The following DDR1 variants were observed in gnomAD, a reference collection of about 807,000 sequenced individuals.
DDR1 encodes epithelial discoidin domain-containing receptor 1.
DDR1 carries 64 observed loss-of-function variants against 97.4 expected under a neutral mutation model. The observed-to-expected ratio is 0.66, with a 90% confidence interval of 0.54 to 0.81. DDR1 has a LOEUF of 0.81. Ranked by LOEUF, DDR1 falls within the 30% of genes least tolerant of loss-of-function variation. The pLI, the probability that DDR1 is intolerant of heterozygous loss-of-function variation, is 0.00. For synonymous variants in DDR1, 458 were observed against 503.7 expected (o/e 0.91, Z 1.21); for missense variants, 990 against 1,259.6 (o/e 0.79, Z 3.24).
Position 30,889,022 on chromosome 6 carries a change from A to G in DDR1, c.188+12A>G, listed in dbSNP as rs1472523723. 1.2e-6 allele frequency: 2 copies of G among 1,612,404 alleles called. No individual in the cohort carries two copies. The highest frequency in any genetic ancestry group is 1.7e-6 in the Non-Finnish European group (2 of 1,179,664). ...GCCCGCCACAGCAGGTACTTGGCAC[A>G]CCTGGCACACTTGTAGCTGCCCCGA... On this transcript the variant is annotated intron_variant, in intron 3 of 17. Coordinates refer to ENST00000376568, the MANE Select transcript of DDR1 (RefSeq NM_001297654.2). This position sits in a 1 kb window ranked among gnomAD's most constrained non-coding sequence, Gnocchi z 4.9.
chr6:30,892,782 C>G (rs1789030845), intron 8 of DDR1: 1 of 593,908 alleles, frequency 1.7e-6, no homozygotes, highest in Non-Finnish European at 2.9e-6. Flanking sequence ...TATGACAGTA[C>G]TGGTTGTTAA....
chr6:30,892,039 G>A lies in DDR1; in HGVS notation c.703G>A (p.Val235Met). Residue 235 changes from valine (V) to methionine (M), a missense_variant, in exon 7 of 18, where the codon GTG becomes ATG. Val to Met is a conservative substitution (Grantham distance 21). Transcript: ENST00000376568. ...GGGTCTGGGCCAGCTGGCAGATGGTGTGGTGGGGCTGGATGACTTTAGGAA... is the reference window on the plus strand; with the variant it reads ...GGGTCTGGGCCAGCTGGCAGATGGTATGGTGGGGCTGGATGACTTTAGGAA... ...YGGLGQLADG[V>M]VGLDDFRKSQ... is the part of the protein sequence containing the mutation. 2 of 1,614,126 alleles carry A rather than the reference G, an allele frequency of 1.2e-6. No individual in the cohort carries two copies. Among genetic ancestry groups the A allele is most frequent in the Non-Finnish European group, 1.7e-6 (2 of 1,179,988 alleles).
chr6:30,900,055 G>C lies in DDR1; in HGVS notation c.*759G>C, dbSNP rs1331773855. 6 of 596,560 alleles carry C rather than the reference G, an allele frequency of 1.0e-5. No individual in the cohort carries two copies. The highest frequency in any genetic ancestry group is 7.4e-5 in the Admixed American group (4 of 53,978). The allele number at this position is 596,560 out of a possible 1,614,324, so 37.0% of individuals were successfully genotyped here. A position where few individuals can be genotyped will look rare whatever the true frequency, so the allele number is the denominator to read the frequency against. ...ATCACTTGGGGTTTGTACATTTTTG[G>C]GGGGAGAGACACAGATTTTTACACT... On this transcript the variant is annotated 3_prime_UTR_variant, in exon 18 of 18. Coordinates refer to ENST00000376568, the MANE Select transcript of DDR1 (RefSeq NM_001297654.2).
At chr6:30,885,772 G>T in intron 1 of DDR1, 3 of 1,292,042 alleles carry the variant, frequency 2.3e-6, no homozygotes, top group Non-Finnish European at 3.0e-6. Flanking sequence ...AGGTGGGTGT[G>T]TGCATGCCAC....
In DDR1 at chr6:30,888,324, A is replaced by G. The variant is rs1348423353; in HGVS notation, c.-42-364A>G. On this transcript the variant is annotated intron_variant, in intron 1 of 17. Transcript: ENST00000376568. The surrounding 1 kb of genome is among the most constrained non-coding windows in gnomAD (Gnocchi z 4.2). ...TATGTGTTATAAACATTTTTTGCAC[A>G]CTTGTTGTTTGTTCTAAGCCGTTGT... 1.9e-5 allele frequency: 4 copies of G among 213,498 alleles called. No homozygotes were observed. The highest frequency in any genetic ancestry group is 6.9e-5 in the African/African-American group (3 of 43,494). 13.2% of individuals were successfully genotyped at this position (213,498 alleles called of 1,614,324 possible).
In DDR1 at chr6:30,892,291, C is replaced by T. The variant is rs1788735644; in HGVS notation, c.853-5C>T. ...TGACCCTGTGCCCTCTTCCCTTCCCCCCAGGTCCACTGTAACAACATGCAC... is the reference window on the plus strand; with the variant it reads ...TGACCCTGTGCCCTCTTCCCTTCCCTCCAGGTCCACTGTAACAACATGCAC... On this transcript the variant is annotated splice_polypyrimidine_tract_variant and splice_region_variant and intron_variant, in intron 7 of 17. Transcript: ENST00000376568. The T allele has an allele frequency of 1.3e-6, 2 of 1,576,820 alleles. No individual in the cohort carries two copies. The highest frequency in any genetic ancestry group is 1.7e-5 in the Admixed American group (1 of 57,954).
At position 30,898,918 on chromosome 6, in the gene DDR1, G is replaced by A. The variant is rs181600077; in HGVS notation, c.2482G>A (p.Ala828Thr). ...GTTCACGACTGCGAGTGACGTGTGG[G>A]CCTTTGGTGTGACCCTGTGGGAGGT... is the stretch of plus-strand genomic sequence containing the variant. Reference protein sequence around the residue: ...GKFTTASDVWAFGVTLWEVLM... With the variant: ...GKFTTASDVWTFGVTLWEVLM... The change falls in exon 17 of 18, where the codon GCC (alanine) becomes ACC (threonine). Residue 828 changes from alanine (A) to threonine (T), a missense_variant. Physicochemically the swap from Ala to Thr is moderately conservative, Grantham distance 58 (BLOSUM62 0). Transcript: ENST00000376568. 3.7e-6 allele frequency: 6 copies of A among 1,612,650 alleles called. No homozygotes were observed.
chr6:30,897,745 CA>C lies in DDR1; in HGVS notation c.2216+150del. The stretch of plus-strand genomic sequence containing the variant: ...AGGGCCTGGGATAAGGAATGTGTGA[CA>C]AGTTAACCCAGGAACATGGACAGAA... On this transcript the variant is annotated intron_variant, in intron 15 of 17. Coordinates refer to ENST00000376568, the MANE Select transcript of DDR1 (RefSeq NM_001297654.2). The surrounding 1 kb of genome is among the most constrained non-coding windows in gnomAD (Gnocchi z 5.2). 1.5e-6 allele frequency: 1 copy of C among 687,444 alleles called. No individual in the cohort carries two copies. Among genetic ancestry groups the C allele is most frequent in the Non-Finnish European group, 2.4e-6 (1 of 413,334 alleles). 42.6% of individuals were successfully genotyped at this position (687,444 alleles called of 1,614,324 possible).
In DDR1 at chr6:30,888,130, G is replaced by A. The variant is rs1264323; in HGVS notation, c.-42-558G>A. Among the ~76,000 whole-genome samples, 65,993 of 151,700 alleles carry A rather than the reference G, an allele frequency of 0.44. 14,830 individuals carry two copies. Among genetic ancestry groups the A allele is most frequent in the East Asian group, 0.68 (3,533 of 5,164 alleles). ...GTCTGCTTGGTATTTCCCTGAGGCT[G>A]GTGAATTTGACCATTAAAAAAAATG... On this transcript the variant is annotated intron_variant, in intron 1 of 17. Transcript: ENST00000376568. The surrounding 1 kb of genome is among the most constrained non-coding windows in gnomAD (Gnocchi z 4.2).
At position 30,899,327 on chromosome 6, in the gene DDR1, A is replaced by G. The variant is rs754315776; in HGVS notation, c.*31A>G. 11 of 1,591,306 alleles carry G rather than the reference A, an allele frequency of 6.9e-6. No homozygotes were observed. The East Asian group carries it at 2.0e-4, about 29-fold the overall frequency. ...ACATCCAGCTGCCCCTCCCTCAGGG[A>G]GCGATCCAGGGGAAGCCAGTGACAC... is the stretch of plus-strand genomic sequence containing the variant. On this transcript the variant is annotated 3_prime_UTR_variant, in exon 18 of 18. Coordinates refer to ENST00000376568, the MANE Select transcript of DDR1 (RefSeq NM_001297654.2).
intron 13 of DDR1, 58 bp downstream of exon 13, chr6:30,896,923 C>T (rs1264317): frequency 0.33 from 521,013 of 1,561,804 alleles, 90,520 homozygotes; most frequent in Non-Finnish European, 0.36. Flanking sequence ...GCCATGCCTG[C>T]GCATCCCCCT....
rs1305909531 is a variant in DDR1 at position 30,890,911 on chromosome 6, G to A, written c.418-62G>A. 4 of 1,517,282 alleles carry A rather than the reference G, an allele frequency of 2.6e-6. No individual in the cohort carries two copies. Among genetic ancestry groups the A allele is most frequent in the South Asian group, 2.6e-5 (2 of 75,834 alleles). 94.0% of individuals were successfully genotyped at this position (1,517,282 alleles called of 1,614,324 possible). On this transcript the variant is annotated intron_variant, in intron 4 of 17. Transcript: ENST00000376568. This position sits in a 1 kb window ranked among gnomAD's most constrained non-coding sequence, Gnocchi z 5.0. ...TGGGCTGGGCCAGGGAGCAGCTGGT[G>A]GGTGGGAAGTAAGATCTGACCTGGA...
Position 30,889,312 on chromosome 6 carries a change from T to G in DDR1, c.299T>G (p.Val100Gly), listed in dbSNP as rs34544756. 6.2e-7 allele frequency: 1 copy of G among 1,612,778 alleles called. No individual in the cohort carries two copies. The highest frequency in any genetic ancestry group is 8.5e-7 in the Non-Finnish European group (1 of 1,179,928). Residue 100 changes from valine (V) to glycine (G), a missense_variant, in exon 4 of 18, where the codon GTG becomes GGG. Transcript: ENST00000376568. The surrounding 1 kb of genome is among the most constrained non-coding windows in gnomAD (Gnocchi z 4.9). ...DLQRLHLVALVGTQGRHAGGL... is the reference protein window; with the variant it reads ...DLQRLHLVALGGTQGRHAGGL... ...CAACGACTGCACCTGGTGGCTCTGG[T>G]GGGCACCCAGGGACGGCATGCCGGG...
Position 30,888,561 on chromosome 6 carries a change from T to C in DDR1, c.-42-127T>C. 1 of 1,063,624 alleles carries C rather than the reference T, an allele frequency of 9.4e-7. No individual in the cohort carries two copies. Among genetic ancestry groups the C allele is most frequent in the Non-Finnish European group, 1.3e-6 (1 of 749,056 alleles). The allele number at this position is 1,063,624 out of a possible 1,614,324, so 65.9% of individuals were successfully genotyped here. On this transcript the variant is annotated intron_variant, in intron 1 of 17. Transcript: ENST00000376568. This position sits in a 1 kb window ranked among gnomAD's most constrained non-coding sequence, Gnocchi z 4.2. ...AGCATTCTAAAAATATAGCTGATGCTGTTAAACAATGACTGTTGTTGTTGT... is the reference window on the plus strand; with the variant it reads ...AGCATTCTAAAAATATAGCTGATGCCGTTAAACAATGACTGTTGTTGTTGT...
At position 30,896,813 on chromosome 6, in the gene DDR1, C is replaced by T. The variant is rs142435078; in HGVS notation, c.1817C>T (p.Pro606Leu). ...VGDGPPRVDF[P>L]RSRLRFKEKL... ...GATGGGCCCCCCAGAGTGGATTTCCCTCGATCTCGACTCCGCTTCAAGGAG... is the reference window on the plus strand; with the variant it reads ...GATGGGCCCCCCAGAGTGGATTTCCTTCGATCTCGACTCCGCTTCAAGGAG... Residue 606 changes from proline (P) to leucine (L), a missense_variant, in exon 13 of 18, where the codon CCT becomes CTT. Coordinates refer to ENST00000376568, the MANE Select transcript of DDR1 (RefSeq NM_001297654.2). The T allele has an allele frequency of 4.4e-6, 7 of 1,591,636 alleles. No individual in the cohort carries two copies. The highest frequency in any genetic ancestry group is 6.0e-6 in the Non-Finnish European group (7 of 1,167,318).
At chr6:30,896,147 G>T (rs1790672617) in intron 12 of DDR1, among the ~76,000 whole-genome samples, 1 of 151,586 alleles carries the variant, frequency 6.6e-6, no homozygotes, top group Admixed American at 6.6e-5. Flanking sequence ...GGTTGAAAGG[G>T]TTGGGAGGGC....
rs778269601 is a variant in DDR1 at position 30,899,021 on chromosome 6, G to T, written c.2585G>T (p.Arg862Leu). Residue 862 changes from arginine to leucine, a missense_variant, in exon 17 of 18, where the codon CGG becomes CTG. By Grantham distance (102) the Arg-to-Leu change is moderately radical. Transcript: ENST00000376568. ...QVIENAGEFFRDQGRQVYLSR... is the reference protein window; with the variant it reads ...QVIENAGEFFLDQGRQVYLSR... ...ATCGAGAACGCGGGGGAGTTCTTCCGGGACCAGGGCCGGCAGGTCAGAGTG... is the reference window on the plus strand; with the variant it reads ...ATCGAGAACGCGGGGGAGTTCTTCCTGGACCAGGGCCGGCAGGTCAGAGTG... 1.2e-6 allele frequency: 2 copies of T among 1,613,990 alleles called. No individual in the cohort carries two copies. Among genetic ancestry groups the T allele is most frequent in the Non-Finnish European group, 1.7e-6 (2 of 1,180,024 alleles).
intron 15 of DDR1, 45 bp from the exon 16 acceptor site, chr6:30,898,028 T>C: frequency 6.8e-7 from 1 of 1,470,818 alleles, no homozygotes; most frequent in Non-Finnish European, 9.5e-7. Context: ...TGGATGGGAA[T>C]CTGCGAAGCT....
chr6:30,897,088 C>A lies in DDR1; in HGVS notation c.1944C>A (p.His648Gln), dbSNP rs756843811. ...TCCCCCTTAATGTGCGTAAGGGACA[C>A]CCTTTGCTGGTAGCTGTCAAGATCT... Reference protein sequence around the residue: ...LDFPLNVRKGHPLLVAVKILR... With the variant: ...LDFPLNVRKGQPLLVAVKILR... The change falls in exon 14 of 18, where the codon CAC becomes CAA. Residue 648 changes from histidine (H) to glutamine (Q), a missense_variant. His to Gln is a conservative substitution (Grantham distance 24, BLOSUM62 0). Transcript: ENST00000376568. This position sits in a 1 kb window ranked among gnomAD's most constrained non-coding sequence, Gnocchi z 5.2. 3.1e-6 allele frequency: 5 copies of A among 1,613,764 alleles called. No individual in the cohort carries two copies. In the South Asian group the frequency reaches 4.4e-5, roughly 14 times the overall value.
Sources: allele counts gnomAD v4.1 joint callset (sites outside exome capture counted in the v4.1 genomes callset), GRCh38; gene constraint gnomAD v4.1.1; non-coding constraint Gnocchi (gnomAD v3.1); transcripts MANE v1.5; gene names NCBI Gene and HGNC (gene_info 2026-07-23, HGNC 2026-07-21).